The following NAA60 variants were observed in gnomAD, a reference collection of about 807,000 sequenced individuals.
NAA60 encodes N-alpha-acetyltransferase 60, NatF catalytic subunit, also known as N-alpha-acetyltransferase 60.
In NAA60, 8 loss-of-function variants were observed where a neutral mutation model predicts 26.1. The ratio of observed to expected loss-of-function variants is 0.31; its 90% CI spans 0.18 to 0.55. The LOEUF is 0.55. Among genes scored for constraint, NAA60 ranks in the 20% least tolerant of loss-of-function variants. The pLI, the probability that NAA60 is intolerant of heterozygous loss-of-function variation, is 0.93. For missense variants in NAA60, 290 were observed against 311.3 expected (o/e 0.93, Z 0.51); for synonymous variants, 131 against 122.5 (o/e 1.07, Z -0.46).
chr16:3,460,445 C>G (rs1039859862), intron 2 of NAA60, among the ~76,000 whole-genome samples: 4 of 152,224 alleles, frequency 2.6e-5, no homozygotes, highest in African/African-American at 4.8e-5. Flanking sequence ...CTCACCGCAA[C>G]CTCCACCTCC....
intron 2 of NAA60, among the ~76,000 whole-genome samples, chr16:3,458,797 C>T (rs909970611): frequency 1.3e-5 from 2 of 152,100 alleles, no homozygotes; most frequent in Non-Finnish European, 2.9e-5. Flanking sequence ...CCCTACAGAA[C>T]CCACACCCCC....
intron 1 of NAA60, chr16:3,447,629 G>C (rs1233096854): frequency 1.0e-6 from 1 of 985,288 alleles, no homozygotes; most frequent in Non-Finnish European, 1.2e-6. Context: ...AGGTAAGCAA[G>C]ATTATCTTTC....
intron 2 of NAA60, among the ~76,000 whole-genome samples, chr16:3,459,099 C>G (rs75757250): frequency 0.017 from 2,655 of 152,304 alleles, 72 homozygotes; most frequent in African/African-American, 0.061. Flanking sequence ...AAAAGGTTAA[C>G]AGCCCAACAG....
intron 4 of NAA60, among the ~76,000 whole-genome samples, chr16:3,480,831 A>G (rs994971646): frequency 6.6e-6 from 1 of 152,166 alleles, no homozygotes; most frequent in Non-Finnish European, 1.5e-5. Flanking sequence ...ACTTGAACCC[A>G]GGAGGCAGTG....
intron 2 of NAA60, among the ~76,000 whole-genome samples, chr16:3,459,713 C>T (rs1016760386): frequency 6.6e-6 from 1 of 152,156 alleles, no homozygotes; most frequent in Admixed American, 6.5e-5. Context: ...AAAGTCAAGG[C>T]ATGGTCTGGT....
At chr16:3,452,714 T>C (rs1442911858) in intron 2 of NAA60, among the ~76,000 whole-genome samples, 1 of 150,980 alleles carries the variant, frequency 6.6e-6, no homozygotes, top group African/African-American at 2.4e-5. Context: ...CCCAGCACTT[T>C]GGGAGGTAAG....
At position 3,485,806 on chromosome 16, in the gene NAA60, C is replaced by T. The variant is rs763704605; in HGVS notation, c.*546C>T. 17 of 388,474 alleles carry T rather than the reference C, an allele frequency of 4.4e-5. No individual in the cohort carries two copies. The highest frequency in any genetic ancestry group is 1.5e-4 in the East Asian group (2 of 13,732). 24.1% of individuals were successfully genotyped at this position (388,474 alleles called of 1,614,324 possible). A position where few individuals can be genotyped will look rare whatever the true frequency, so the allele number is the denominator to read the frequency against. On this transcript the variant is annotated 3_prime_UTR_variant, in exon 8 of 8. Transcript: ENST00000407558. ...TGGGGGGTGAGGAGTGGCCCCCACTCCTCCATGAGGGGCTGATGAGGGGTG... is the reference window on the plus strand; with the variant it reads ...TGGGGGGTGAGGAGTGGCCCCCACTTCTCCATGAGGGGCTGATGAGGGGTG...
In NAA60 at chr16:3,469,514, C is replaced by T. The variant is rs118117398; in HGVS notation, c.-6-6708C>T. On this transcript the variant is annotated intron_variant, in intron 2 of 7. Transcript: ENST00000407558. ...TGTCTCTGACTTTGCCTTGCTGCTC[C>T]GCACAGCACTGCCCTGGTACCCATC... 6.5e-4 allele frequency among the ~76,000 whole-genome samples: 82 copies of T among 127,056 alleles called. 1 individual carries two copies. Among genetic ancestry groups the T allele is most frequent in the Admixed American group, 1.1e-3 (14 of 12,188 alleles). The allele number at this position is 127,056 out of a possible 152,430, so 83.4% of individuals were successfully genotyped here. A position where few individuals can be genotyped will look rare whatever the true frequency, so the allele number is the denominator to read the frequency against.
intron 4 of NAA60, among the ~76,000 whole-genome samples, chr16:3,480,106 C>G (rs1341443336): frequency 3.3e-5 from 5 of 152,090 alleles, no homozygotes; most frequent in Non-Finnish European, 1.5e-5. Flanking sequence ...CTAGCAAACC[C>G]CAGTCTGAAT....
At chr16:3,479,861 A>G (rs2036716544) in intron 4 of NAA60, among the ~76,000 whole-genome samples, 1 of 152,216 alleles carries the variant, frequency 6.6e-6, no homozygotes, top group Admixed American at 6.5e-5. Context: ...GCATGAGCGC[A>G]GATGATGCAT....
intron 3 of NAA60, among the ~76,000 whole-genome samples, chr16:3,477,074 A>G (rs2036531041): frequency 6.6e-6 from 1 of 152,154 alleles, no homozygotes; most frequent in Non-Finnish European, 1.5e-5. Context: ...AAAGGAAAAA[A>G]GTCAGTCTAG....
At chr16:3,444,820 C>T (rs745825171) in intron 1 of NAA60, among the ~76,000 whole-genome samples, 3 of 152,118 alleles carry the variant, frequency 2.0e-5, no homozygotes, top group Non-Finnish European at 4.4e-5. Flanking sequence ...GTGTCATGTA[C>T]CCATCCTAAA....
At chr16:3,481,299 A>G (rs1382421939) in intron 4 of NAA60, among the ~76,000 whole-genome samples, 3 of 152,150 alleles carry the variant, frequency 2.0e-5, no homozygotes, top group African/African-American at 4.8e-5. Context: ...CATGTTGGCC[A>G]TGCTGATCTG....
intron 2 of NAA60, among the ~76,000 whole-genome samples, chr16:3,473,011 CTGTTT>C (rs34780561): frequency 0.62 from 94,148 of 150,980 alleles, 31,611 homozygotes; most frequent in African/African-American, 0.87. Flanking sequence ...TCTTTGTCAT[CTGTTT>C]TGTTTTGTTT....
intron 4 of NAA60, 112 bp from the exon 5 acceptor site, chr16:3,482,390 G>A: frequency 2.4e-6 from 2 of 834,272 alleles, no homozygotes; most frequent in South Asian, 3.0e-5. Context: ...CTCCCAGTCG[G>A]TGTCCCTCTG....
chr16:3,483,334 C>T, intron 5 of NAA60, 29 bp from the exon 6 acceptor site: 1 of 1,525,716 alleles, frequency 6.6e-7, no homozygotes, highest in African/African-American at 1.4e-5. Flanking sequence ...ACTGCTCTGC[C>T]TGCATTACCT....
intron 2 of NAA60, among the ~76,000 whole-genome samples, chr16:3,474,300 C>G (rs954233187): frequency 1.3e-5 from 2 of 152,214 alleles, no homozygotes; most frequent in Non-Finnish European, 2.9e-5. Context: ...AGCCAAGTAT[C>G]AGCTAGTAGT....
chr16:3,447,892 G>C (rs753706398), intron 1 of NAA60, among the ~76,000 whole-genome samples: 4 of 152,092 alleles, frequency 2.6e-5, no homozygotes, highest in Non-Finnish European at 5.9e-5. Context: ...GGCTCTAAAC[G>C]TACCTTCAAC....
At chr16:3,469,803 C>A (rs899313680) in intron 2 of NAA60, among the ~76,000 whole-genome samples, 1 of 152,226 alleles carries the variant, frequency 6.6e-6, no homozygotes. Context: ...CATGAGGGTT[C>A]CTTGCCAGCA....
Sources: gnomAD v4.1 joint callset for allele counts (sites outside exome capture counted in the v4.1 genomes callset) on GRCh38, gnomAD v4.1.1 for gene constraint, MANE v1.5 for transcripts, NCBI Gene and HGNC (gene_info 2026-07-23, HGNC 2026-07-21) for gene names.